CHD7: variants seen among roughly 807,000 people sequenced by gnomAD.
The protein encoded by CHD7 is ATP-dependent chromatin remodeler CHD7.
CHD7 carries 24 observed loss-of-function variants against 307.3 expected under a neutral mutation model. The observed-to-expected ratio is 0.08, with a 90% CI of 0.06 to 0.11. The LOEUF (loss-of-function observed/expected upper bound fraction) is 0.11, where lower values mean the gene tolerates loss of function less well. CHD7 is among the 10% of genes least tolerant of loss of function. The pLI is 1.00. For synonymous variants in CHD7, 1,363 were observed against 1,349.9 expected (o/e 1.01, Z -0.21); for missense variants, 3,106 against 3,727.1 (o/e 0.83, Z 4.34).
intron 27 of CHD7, 35 bp from the exon 28 acceptor site, chr8:60,851,227 A>G (rs1805442693): frequency 1.3e-6 from 2 of 1,541,302 alleles, no homozygotes; most frequent in Non-Finnish European, 1.8e-6. Context: ...GAGACCCCAA[A>G]TTAAAGTAAT....
At chr8:60,768,783 G>A (rs946609008) in intron 2 of CHD7, among the ~76,000 whole-genome samples, 3 of 151,794 alleles carry the variant, frequency 2.0e-5, no homozygotes, top group Non-Finnish European at 2.9e-5. Context: ...TTACATTTTG[G>A]TACTACAGAG....
chr8:60,788,951 T>A (rs1811638403), intron 3 of CHD7, among the ~76,000 whole-genome samples: 2 of 152,248 alleles, frequency 1.3e-5, no homozygotes, highest in South Asian at 4.1e-4. Flanking sequence ...TACTCTATGA[T>A]GTACCAGATT....
chr8:60,789,495 A>G (rs185907482), intron 3 of CHD7, among the ~76,000 whole-genome samples: 1 of 152,362 alleles, frequency 6.6e-6, no homozygotes, highest in Non-Finnish European at 1.5e-5. Flanking sequence ...GAAGAGACTG[A>G]TTAAGAACTC....
intron 7 of CHD7, among the ~76,000 whole-genome samples, chr8:60,812,923 T>C (rs1812881484): frequency 6.6e-6 from 1 of 152,036 alleles, no homozygotes; most frequent in Non-Finnish European, 1.5e-5. Flanking sequence ...CTTGCATGTT[T>C]ATTTTTATAT....
In CHD7 at chr8:60,865,483, T is replaced by A. The variant is rs1346169205; in HGVS notation, c.8544T>A (p.Asn2848Lys). The change falls in exon 38 of 38, where the codon AAT becomes AAA. Residue 2848 changes from asparagine to lysine, a missense_variant. Coordinates refer to ENST00000423902, the MANE Select transcript of CHD7 (RefSeq NM_017780.4). This position sits in a 1 kb window ranked among gnomAD's most constrained non-coding sequence, Gnocchi z 4.3. The stretch of plus-strand genomic sequence containing the variant: ...CTTCAAAAGGAGAGGAGAAAGGAAA[T>A]GAGAATGAAGACGAGAACAAAGACT... Reference protein sequence around the residue: ...DSTSKGEEKGNENEDENKDSE... With the variant: ...DSTSKGEEKGKENEDENKDSE... 5 of 1,613,922 alleles carry A rather than the reference T, an allele frequency of 3.1e-6. No individual in the cohort carries two copies. Among genetic ancestry groups the A allele is most frequent in the Non-Finnish European group, 4.2e-6 (5 of 1,179,860 alleles).
intron 23 of CHD7, among the ~76,000 whole-genome samples, chr8:60,848,079 C>T (rs1805292358): frequency 6.6e-6 from 1 of 152,178 alleles, no homozygotes; most frequent in African/African-American, 2.4e-5. Context: ...CCTACAACTT[C>T]TGATGTGCTT....
intron 1 of CHD7, among the ~76,000 whole-genome samples, chr8:60,717,252 A>G (rs1563539678): frequency 6.6e-6 from 1 of 152,240 alleles, no homozygotes; most frequent in Admixed American, 6.5e-5. Flanking sequence ...CTTGTAAATG[A>G]AAGATAGTGT....
chr8:60,723,122 A>G (rs773911969), intron 1 of CHD7, among the ~76,000 whole-genome samples: 1 of 152,054 alleles, frequency 6.6e-6, no homozygotes, highest in Non-Finnish European at 1.5e-5. Flanking sequence ...TTAAATTTGT[A>G]TTTGTTAATA....
intron 6 of CHD7, among the ~76,000 whole-genome samples, chr8:60,805,521 C>A (rs1419641562): frequency 6.6e-6 from 1 of 152,192 alleles, no homozygotes; most frequent in Non-Finnish European, 1.5e-5. Context: ...ATCTTCACAG[C>A]AGGTTCCCAG....
At chr8:60,751,676 G>C (rs1346277002) in intron 2 of CHD7, among the ~76,000 whole-genome samples, 1 of 152,202 alleles carries the variant, frequency 6.6e-6, no homozygotes, top group Non-Finnish European at 1.5e-5. Flanking sequence ...GTAGTTTATG[G>C]TGTGTCACCA....
At chr8:60,824,314 A>G (rs1295542413) in intron 13 of CHD7, 1 of 399,756 alleles carries the variant, frequency 2.5e-6, no homozygotes, top group Non-Finnish European at 4.4e-6. Context: ...ATCATACCAA[A>G]TACAAAAATC....
intron 15 of CHD7, 131 bp downstream of exon 15, chr8:60,830,708 C>CA: frequency 1.0e-6 from 1 of 976,134 alleles, no homozygotes; most frequent in Non-Finnish European, 1.5e-6. Flanking sequence ...TGGGTTTCAC[C>CA]AGCTTCCCAC....
Position 60,821,874 on chromosome 8 carries a change from A to G in CHD7, c.2782A>G (p.Lys928Glu). The change falls in exon 10 of 38, where the codon AAG becomes GAG. Residue 928 changes from lysine (K) to glutamate (E), a missense_variant. Coordinates refer to ENST00000423902, the MANE Select transcript of CHD7 (RefSeq NM_017780.4). ...WERRQDIDQAKIEEFEKLMSR... is the reference protein window; with the variant it reads ...WERRQDIDQAEIEEFEKLMSR... ...GCGGAGGCAGGACATAGATCAAGCA[A>G]AGATCGAGGAGTTTGAGAAACTAAT... The G allele has an allele frequency of 1.9e-6, 3 of 1,609,060 alleles. No individual in the cohort carries two copies. The highest frequency in any genetic ancestry group is 2.5e-6 in the Non-Finnish European group (3 of 1,177,524).
At chr8:60,811,542 C>T (rs1165326967) in intron 7 of CHD7, among the ~76,000 whole-genome samples, 1 of 152,170 alleles carries the variant, frequency 6.6e-6, no homozygotes, top group Non-Finnish European at 1.5e-5. Context: ...TATTCCATTG[C>T]ATGACTGCCG....
At chr8:60,736,314 T>A (rs1457986663) in intron 1 of CHD7, among the ~76,000 whole-genome samples, 1 of 152,122 alleles carries the variant, frequency 6.6e-6, no homozygotes, top group Non-Finnish European at 1.5e-5. Flanking sequence ...GGGAGGAGAT[T>A]CCTGTTAACC....
At chr8:60,809,590 C>G (rs1370146808) in intron 7 of CHD7, 3 of 145,138 alleles carry the variant, frequency 2.1e-5, no homozygotes, top group Admixed American at 7.0e-5. Context: ...GCTCCGAGTT[C>G]CTGACCAGGT....
At chr8:60,695,693 CA>C (rs1410795519) in intron 1 of CHD7, among the ~76,000 whole-genome samples, 2 of 152,156 alleles carry the variant, frequency 1.3e-5, no homozygotes, top group African/African-American at 4.8e-5. Context: ...AGGATATAAG[CA>C]GGTAATGTGT....
At chr8:60,820,230 T>G in intron 9 of CHD7, 140 bp downstream of exon 9, 1 of 466,502 alleles carries the variant, frequency 2.1e-6, no homozygotes, top group Non-Finnish European at 3.9e-6. Flanking sequence ...AACTGAAACT[T>G]AATGATTTAT....
At chr8:60,722,903 GCTT>G (rs1807982417) in intron 1 of CHD7, among the ~76,000 whole-genome samples, 1 of 152,218 alleles carries the variant, frequency 6.6e-6, no homozygotes. Flanking sequence ...ACAAGGGGTA[GCTT>G]CTTAAAGGTT....
Sources: allele counts gnomAD v4.1 joint callset (sites outside exome capture counted in the v4.1 genomes callset), GRCh38; gene constraint gnomAD v4.1.1; non-coding constraint Gnocchi (gnomAD v3.1); transcripts MANE v1.5; gene names NCBI Gene and HGNC (gene_info 2026-07-23, HGNC 2026-07-21).